EP300: variants seen among roughly 807,000 people sequenced by gnomAD.
The protein encoded by EP300 is EP300 lysine acetyltransferase.
A neutral mutation model predicts 264.0 loss-of-function variants in EP300; 31 were observed. That is an observed-to-expected ratio of 0.12 (90% CI 0.09 to 0.16). The LOEUF is 0.16. Ranked by LOEUF, EP300 falls within the 10% of genes least tolerant of loss-of-function variation. EP300 has a pLI of 1.00. For missense variants in EP300, 2,766 were observed against 3,052.9 expected (o/e 0.91, Z 2.21); for synonymous variants, 1,340 against 1,045.4 (o/e 1.28, Z -5.44).
chr22:41,146,704 G>T, intron 10 of EP300, 35 bp from the exon 11 acceptor site: 1 of 1,592,538 alleles, frequency 6.3e-7, no homozygotes, highest in Non-Finnish European at 8.6e-7. Context: ...AAGGGAAGAT[G>T]GTGCAAAGAT....
At chr22:41,127,180 G>A (rs947451339) in intron 3 of EP300, among the ~76,000 whole-genome samples, 6 of 152,098 alleles carry the variant, frequency 3.9e-5, no homozygotes, top group African/African-American at 1.4e-4. Flanking sequence ...TAATTTGGGT[G>A]TGCTTTTAAC....
chr22:41,092,919 T>C lies in EP300; in HGVS notation c.-86T>C. ...CCGTCGGAGCCCCCCAGCCCACCCC[T>C]GGGTGCGGCGCGGGGACCCCGGGCC... On this transcript the variant is annotated 5_prime_UTR_variant, in exon 1 of 31. Transcript: ENST00000263253. 6.8e-7 allele frequency: 1 copy of C among 1,481,180 alleles called. No individual in the cohort carries two copies. The highest frequency in any genetic ancestry group is 2.0e-4 in the Middle Eastern group (1 of 5,108). 91.8% of individuals were successfully genotyped at this position (1,481,180 alleles called of 1,614,324 possible). A position where few individuals can be genotyped will look rare whatever the true frequency, so the allele number is the denominator to read the frequency against.
At chr22:41,137,948 C>T (rs2058961397) in intron 8 of EP300, among the ~76,000 whole-genome samples, 158 bp downstream of exon 8, 1 of 152,176 alleles carries the variant, frequency 6.6e-6, no homozygotes, top group East Asian at 1.9e-4. Context: ...CTTGCTGCTG[C>T]TGCTTTTTTC....
chr22:41,125,037 C>T (rs1056039387), intron 2 of EP300, among the ~76,000 whole-genome samples: 1 of 150,840 alleles, frequency 6.6e-6, no homozygotes, highest in South Asian at 2.1e-4. Flanking sequence ...CTCCCAGGCT[C>T]AGGTGATCCT....
At chr22:41,164,170 T>C (rs1569113938) in intron 22 of EP300, 40 bp downstream of exon 22, 4 of 1,563,142 alleles carry the variant, frequency 2.6e-6, no homozygotes, top group South Asian at 2.2e-5. Context: ...AATTTTTCTT[T>C]ATCGTGAATA....
At chr22:41,116,778 G>A (rs550161577) in intron 1 of EP300, among the ~76,000 whole-genome samples, 31 of 152,210 alleles carry the variant, frequency 2.0e-4, no homozygotes, top group Admixed American at 1.6e-3. Context: ...TATATATATA[G>A]GGCTGTGTGT....
At chr22:41,159,974 A>G (rs146510159) in intron 19 of EP300, 4 of 135,618 alleles carry the variant, frequency 2.9e-5, no homozygotes, top group African/African-American at 8.4e-5. Context: ...ACGCCTGGCA[A>G]TGGTTGTTTT....
intron 24 of EP300, 44 bp downstream of exon 24, chr22:41,168,643 T>G: frequency 6.2e-7 from 1 of 1,614,186 alleles, no homozygotes; most frequent in Non-Finnish European, 8.5e-7. Context: ...GATCCAAAAT[T>G]GCTCATACAT....
intron 1 of EP300, among the ~76,000 whole-genome samples, chr22:41,096,850 C>A (rs1472334596): frequency 6.6e-6 from 1 of 152,050 alleles, no homozygotes; most frequent in Admixed American, 6.6e-5. Context: ...AACTCCTGAC[C>A]TCAGGTGATC....
chr22:41,136,031 G>C (rs1208588438), intron 7 of EP300, 125 bp downstream of exon 7: 4 of 781,556 alleles, frequency 5.1e-6, no homozygotes, highest in Admixed American at 2.0e-5. Flanking sequence ...ATAGATGTTT[G>C]AGTCCATTCT....
At chr22:41,101,700 C>T (rs1408230477) in intron 1 of EP300, among the ~76,000 whole-genome samples, 7 of 152,032 alleles carry the variant, frequency 4.6e-5, no homozygotes, top group Non-Finnish European at 1.0e-4. Context: ...GGTAAGCCAC[C>T]GTGCCCAGCC....
chr22:41,159,145 C>T (rs1295730490), intron 19 of EP300: 1 of 153,090 alleles, frequency 6.5e-6, no homozygotes, highest in South Asian at 2.0e-4. Flanking sequence ...CTATCTTAAC[C>T]ACAATTTGTC....
At chr22:41,169,853 G>A (rs560414951) in intron 26 of EP300, among the ~76,000 whole-genome samples, 1 of 152,270 alleles carries the variant, frequency 6.6e-6, no homozygotes, top group South Asian at 2.1e-4. Context: ...CTAAGCCATT[G>A]GGTCCACTTT....
At chr22:41,140,483 C>CT (rs1272609015) in intron 9 of EP300, among the ~76,000 whole-genome samples, 3 of 152,110 alleles carry the variant, frequency 2.0e-5, no homozygotes, top group African/African-American at 7.2e-5. Context: ...TCATGTGGCA[C>CT]TTTATCTGGT....
chr22:41,145,249 TTGA>T (rs1285345738), intron 10 of EP300, among the ~76,000 whole-genome samples: 1 of 152,272 alleles, frequency 6.6e-6, no homozygotes, highest in African/African-American at 2.4e-5. Flanking sequence ...CATTTTTCTA[TTGA>T]TTTTTAATTT....
chr22:41,173,930 G>GGT, intron 29 of EP300, 146 bp downstream of exon 29: 2 of 915,840 alleles, frequency 2.2e-6, no homozygotes, highest in East Asian at 5.0e-5. Flanking sequence ...TGACCAACAC[G>GGT]GTGAAACCTT....
At chr22:41,146,618 A>T in intron 10 of EP300, 121 bp from the exon 11 acceptor site, 3 of 813,604 alleles carry the variant, frequency 3.7e-6, no homozygotes, top group Non-Finnish European at 6.3e-6. Context: ...TTATTTTGTG[A>T]TTCATACTCA....
At chr22:41,145,521 C>T (rs2059005707) in intron 10 of EP300, among the ~76,000 whole-genome samples, 1 of 152,208 alleles carries the variant, frequency 6.6e-6, no homozygotes, top group African/African-American at 2.4e-5. Flanking sequence ...TCTGTCCTTT[C>T]CGAGGGTGCT....
chr22:41,123,443 A>G (rs1371032649), intron 2 of EP300, among the ~76,000 whole-genome samples: 2 of 152,198 alleles, frequency 1.3e-5, no homozygotes, highest in Admixed American at 6.5e-5. Flanking sequence ...TTATAGAGGC[A>G]GGTGAAAACA....
Sources: gnomAD v4.1 joint callset for allele counts (sites outside exome capture counted in the v4.1 genomes callset) on GRCh38, gnomAD v4.1.1 for gene constraint, MANE v1.5 for transcripts, NCBI Gene and HGNC (gene_info 2026-07-23, HGNC 2026-07-21) for gene names.